GPR108: variants seen among roughly 807,000 people sequenced by gnomAD.
GPR108 encodes protein GPR108.
Under a neutral mutation model 74.3 loss-of-function variants are expected in GPR108, and 60 were observed. The observed-to-expected ratio is 0.81, with a 90% CI of 0.66 to 1.00. The LOEUF is 1.00. GPR108 is among the 50% of genes least tolerant of loss of function. The pLI, the probability that GPR108 is intolerant of heterozygous loss-of-function variation, is 0.00. For synonymous variants in GPR108, 311 were observed against 292.4 expected (o/e 1.06, Z -0.65); for missense variants, 667 against 703.3 (o/e 0.95, Z 0.58).
intron 15 of GPR108, 28 bp downstream of exon 15, chr19:6,731,445 A>G: frequency 6.6e-7 from 1 of 1,525,266 alleles, no homozygotes; most frequent in Non-Finnish European, 8.8e-7. Flanking sequence ...ATCCCCCCAA[A>G]CCCGCTGTGA....
chr19:6,733,137 C>G, intron 9 of GPR108, 31 bp downstream of exon 9: 1 of 1,613,508 alleles, frequency 6.2e-7, no homozygotes, highest in Non-Finnish European at 8.5e-7. Context: ...GGTGAAGGGA[C>G]GTGGGGGACC....
Position 6,734,275 on chromosome 19 carries a change from GTCT to G in GPR108, c.404_406del (p.Lys135del). The G allele has an allele frequency of 6.2e-7, 1 of 1,613,990 alleles. No homozygotes were observed. On this transcript the variant is annotated inframe_deletion, in exon 5 of 18. Coordinates refer to ENST00000264080, the MANE Select transcript of GPR108 (RefSeq NM_001080452.2). ...GAGGAGCCCGGGAAAGATAAACAAC[GTCT>G]TCTGCTCTCCATACTTCCGCACCTG...
Position 6,732,461 on chromosome 19 carries a change from G to C in GPR108, c.1007+15C>G. The C allele has an allele frequency of 1.2e-6, 2 of 1,612,880 alleles. No individual in the cohort carries two copies. The highest frequency in any genetic ancestry group is 1.7e-6 in the Non-Finnish European group (2 of 1,179,108). On this transcript the variant is annotated intron_variant, in intron 11 of 17. Coordinates refer to ENST00000264080, the MANE Select transcript of GPR108 (RefSeq NM_001080452.2). The stretch of plus-strand genomic sequence containing the variant: ...TGCCTCCCCCCAGCTGCCCAGCAGA[G>C]TGGGGGACACTCACAGGTGTGCGAT...
intron 1 of GPR108, chr19:6,736,952 C>T (rs1968662214): frequency 1.8e-6 from 1 of 547,982 alleles, no homozygotes; most frequent in South Asian, 2.2e-5. Flanking sequence ...GGAAGTCTCC[C>T]CACTGGGGTG....
In GPR108 at chr19:6,731,954, C is replaced by A; in HGVS notation, c.1257-20G>T. On this transcript the variant is annotated intron_variant, in intron 13 of 17. Transcript: ENST00000264080. Reference sequence around the variant, plus strand: ...ATGGACCTGGGACAAGTGGAGGACACAGGGTACGGTCAGCGCGGACATCGC... The same window carrying A: ...ATGGACCTGGGACAAGTGGAGGACAAAGGGTACGGTCAGCGCGGACATCGC... The A allele has an allele frequency of 6.2e-7, 1 of 1,613,174 alleles. No individual in the cohort carries two copies. Among genetic ancestry groups the A allele is most frequent in the Non-Finnish European group, 8.5e-7 (1 of 1,179,824 alleles).
chr19:6,732,646 A>G (rs1225053749), intron 10 of GPR108, 97 bp from the exon 11 acceptor site: 8 of 930,036 alleles, frequency 8.6e-6, no homozygotes, highest in Non-Finnish European at 1.4e-5. Flanking sequence ...TCACCATCAG[A>G]TGGGTGGTCA....
intron 4 of GPR108, 110 bp from the exon 5 acceptor site, chr19:6,734,417 G>C (rs1015748479): frequency 4.7e-6 from 5 of 1,059,722 alleles, no homozygotes; most frequent in Admixed American, 4.8e-5. Context: ...CCTGAGGGGC[G>C]GGGTCCAGTC....
At chr19:6,733,327 C>G (rs375126817) in intron 8 of GPR108, 26 bp from the exon 9 acceptor site, 2 of 1,606,764 alleles carry the variant, frequency 1.2e-6, no homozygotes, top group African/African-American at 2.7e-5. Context: ...TGGTGGGCGG[C>G]GGCAGGGGCA....
rs1326476680 is a variant in GPR108, at chr19:6,731,129, G to T, written c.1435-18C>A. The T allele has an allele frequency of 6.2e-7, 1 of 1,612,274 alleles. No homozygotes were observed. Among genetic ancestry groups the T allele is most frequent in the Non-Finnish European group, 8.5e-7 (1 of 1,179,424 alleles). Reference sequence around the variant, plus strand: ...ACCAAGAGCTGGGGGACGGGGCGGAGTGGGGGCGTCAGGCGCACCCCCACC... The same window carrying T: ...ACCAAGAGCTGGGGGACGGGGCGGATTGGGGGCGTCAGGCGCACCCCCACC... On this transcript the variant is annotated intron_variant, in intron 16 of 17. Transcript: ENST00000264080.
chr19:6,737,493 AC>A lies in GPR108; in HGVS notation c.83del (p.Gly28ValfsTer12). On this transcript the variant is annotated frameshift_variant, in exon 1 of 18. Coordinates refer to ENST00000264080, the MANE Select transcript of GPR108 (RefSeq NM_001080452.2). LOFTEE classifies it high-confidence loss of function. ...GQRLLLVLLLGGCSGRIHQLA... is the reference protein window; with the variant it reads ...GQRLLLVLLLXGCSGRIHQLA... Reference sequence around the variant, plus strand: ...GCTGGTGGATGCGCCCGGAGCAGCCACCCAGCAGCAGCACCAGAAGTAGCCG... The same window carrying A: ...GCTGGTGGATGCGCCCGGAGCAGCCACCAGCAGCAGCACCAGAAGTAGCCG... The A allele has an allele frequency of 6.3e-7, 1 of 1,586,506 alleles. No individual in the cohort carries two copies.
intron 4 of GPR108, among the ~76,000 whole-genome samples, chr19:6,734,860 T>C (rs912256021): frequency 5.2e-5 from 4 of 76,334 alleles, no homozygotes; most frequent in Non-Finnish European, 9.1e-5. Context: ...TTATTATTAT[T>C]ATTATTATTA....
At chr19:6,737,326 G>C (rs1159781747) in intron 1 of GPR108, 131 bp downstream of exon 1, 10 of 1,220,328 alleles carry the variant, frequency 8.2e-6, no homozygotes, top group Non-Finnish European at 1.1e-5. Flanking sequence ...TCCGGGCCCG[G>C]AAACGGGGGG....
chr19:6,734,848 C>CATTATTATT (rs111460609), intron 4 of GPR108, among the ~76,000 whole-genome samples: 367 of 139,720 alleles, frequency 2.6e-3, no homozygotes, highest in Non-Finnish European at 2.8e-3. Flanking sequence ...GCCAGCCCTA[C>CATTATTATT]ATTATTATTA....
chr19:6,737,023 C>T, intron 1 of GPR108: 1 of 420,654 alleles, frequency 2.4e-6, no homozygotes, highest in East Asian at 4.5e-5. Context: ...TCCCGAAGAA[C>T]TTTTACATTC....
At position 6,730,063 on chromosome 19, in the gene GPR108, C is replaced by T; in HGVS notation, c.*249G>A. 1.9e-6 allele frequency: 1 copy of T among 531,186 alleles called. No individual in the cohort carries two copies. The highest frequency in any genetic ancestry group is 3.4e-6 in the Non-Finnish European group (1 of 293,966). The allele number at this position is 531,186 out of a possible 1,614,324, so 32.9% of individuals were successfully genotyped here. A position where few individuals can be genotyped will look rare whatever the true frequency, so the allele number is the denominator to read the frequency against. On this transcript the variant is annotated 3_prime_UTR_variant, in exon 18 of 18. Coordinates refer to ENST00000264080, the MANE Select transcript of GPR108 (RefSeq NM_001080452.2). ...AAGGCAAGACAACGGCGTAGCCAAACAGATTGGTCATTATTGTACACATAG... is the reference window on the plus strand; with the variant it reads ...AAGGCAAGACAACGGCGTAGCCAAATAGATTGGTCATTATTGTACACATAG...
In GPR108 at chr19:6,732,401, G is replaced by A. The variant is rs199547662; in HGVS notation, c.1008-21C>T. ...TCAGCCTGAAGGAGCAGGGGAGGGC[G>A]TGATGATGAGGTGGGGGGCCAACCC... On this transcript the variant is annotated intron_variant, in intron 11 of 17. Transcript: ENST00000264080. The A allele has an allele frequency of 4.6e-4, 746 of 1,612,150 alleles. 3 individuals carry two copies. The African/African-American group carries it at 6.9e-3, about 15-fold the overall frequency.
Position 6,733,285 on chromosome 19 carries a change from T to C in GPR108, c.740A>G (p.Lys247Arg), listed in dbSNP as rs1421328284. Residue 247 changes from lysine to arginine, a missense_variant, in exon 9 of 18, where the codon AAG (lysine) becomes AGG (arginine). Coordinates refer to ENST00000264080, the MANE Select transcript of GPR108 (RefSeq NM_001080452.2). ...PFDITVMIRE[K>R]NPDGFLSAAE... ...TGCCGACAGGAAGCCATCGGGGTTCTTCTCCCGGATCATCACCTGCGGAGG... is the reference window on the plus strand; with the variant it reads ...TGCCGACAGGAAGCCATCGGGGTTCCTCTCCCGGATCATCACCTGCGGAGG... 6.2e-7 allele frequency: 1 copy of C among 1,613,390 alleles called. No homozygotes were observed. The highest frequency in any genetic ancestry group is 1.3e-5 in the African/African-American group (1 of 74,914).
Position 6,737,477 on chromosome 19 carries a change from T to C in GPR108, c.100A>G (p.Ile34Val). ...CTCACCGTCAGCGCCAGCTGGTGGA[T>C]GCGCCCGGAGCAGCCACCCAGCAGC... Reference protein sequence around the residue: ...VLLLGGCSGRIHQLALTGEKR... With the variant: ...VLLLGGCSGRVHQLALTGEKR... The change falls in exon 1 of 18, where the codon ATC becomes GTC. Residue 34 changes from isoleucine (I) to valine (V), a missense_variant. Transcript: ENST00000264080. 2 of 1,586,548 alleles carry C rather than the reference T, an allele frequency of 1.3e-6. No individual in the cohort carries two copies. The highest frequency in any genetic ancestry group is 1.7e-6 in the Non-Finnish European group (2 of 1,174,468).
At position 6,733,092 on chromosome 19, in the gene GPR108, TGCGGGGCATCA is replaced by T. The variant is rs1245374438; in HGVS notation, c.858-41_858-31del. 3.1e-6 allele frequency: 5 copies of T among 1,611,778 alleles called. No individual in the cohort carries two copies. In the South Asian group the frequency reaches 5.5e-5, roughly 18 times the overall value. ...TGGGAGGGTCAGGGAGAGATGGGGG[TGCGGGGCATCA>T]GCAGAGCATAGGGATGGGGGTCTGG... On this transcript the variant is annotated intron_variant, in intron 9 of 17. Coordinates refer to ENST00000264080, the MANE Select transcript of GPR108 (RefSeq NM_001080452.2).
Sources: allele counts gnomAD v4.1 joint callset (sites outside exome capture counted in the v4.1 genomes callset), GRCh38; gene constraint gnomAD v4.1.1; transcripts MANE v1.5; gene names NCBI Gene and HGNC (gene_info 2026-07-23, HGNC 2026-07-21).